The following ROBO2 variants were observed in gnomAD, a reference collection of about 807,000 sequenced individuals.
ROBO2 encodes roundabout guidance receptor 2.
ROBO2 carries 53 observed loss-of-function variants against 160.8 expected under a neutral mutation model. That is an observed-to-expected ratio of 0.33 (90% CI 0.26 to 0.41). The LOEUF is 0.41. Ranked by LOEUF, ROBO2 falls within the 10% of genes least tolerant of loss-of-function variation. The pLI, the probability that ROBO2 is intolerant of heterozygous loss-of-function variation, is 1.00. For synonymous variants in ROBO2, 664 were observed against 611.7 expected, an observed-to-expected ratio of 1.09 and a Z score of -1.26; for missense variants, 1,577 against 1,722.4, an observed-to-expected ratio of 0.92 and a Z score of 1.49.
At chr3:76,167,890 G>A (rs1338078943) in intron 2 of ROBO2, among the ~76,000 whole-genome samples, 1 of 152,120 alleles carries the variant, frequency 6.6e-6, no homozygotes, top group African/African-American at 2.4e-5. Context: ...TTGCTACTCT[G>A]CATCAGTGTG....
chr3:76,927,003 A>G (rs2077030143), intron 2 of ROBO2, among the ~76,000 whole-genome samples: 1 of 152,166 alleles, frequency 6.6e-6, no homozygotes, highest in Admixed American at 6.5e-5. Context: ...GCCTCACTTT[A>G]GACTAAATCG....
At chr3:76,415,487 AAG>A (rs2075718180) in intron 2 of ROBO2, among the ~76,000 whole-genome samples, 2 of 152,172 alleles carry the variant, frequency 1.3e-5, no homozygotes, top group Non-Finnish European at 2.9e-5. Context: ...TTTATATCAT[AAG>A]TACTAAATAT....
chr3:76,540,028 A>G (rs1423408668), intron 2 of ROBO2, among the ~76,000 whole-genome samples: 1 of 152,212 alleles, frequency 6.6e-6, no homozygotes, highest in African/African-American at 2.4e-5. Flanking sequence ...ATTTTAAAGG[A>G]CACTCCAAGA....
At chr3:75,967,678 T>C (rs1178130215) in intron 2 of ROBO2, among the ~76,000 whole-genome samples, 2 of 151,584 alleles carry the variant, frequency 1.3e-5, no homozygotes, top group African/African-American at 4.8e-5. Context: ...TTTTTCATTA[T>C]AATTTCGTAT....
rs191987101 is a variant in ROBO2, at chr3:76,800,225, A to G, written c.110-297789A>G. Reference sequence around the variant, plus strand: ...TGCCATATACAAAAATCTAATCAAAATGAATTAAAGACTTAAATTTAAACC... The same window carrying G: ...TGCCATATACAAAAATCTAATCAAAGTGAATTAAAGACTTAAATTTAAACC... On this transcript the variant is annotated intron_variant, in intron 2 of 26. Coordinates refer to the ROBO2 transcript ENST00000487694. Among the ~76,000 whole-genome samples, 1,349 of 152,314 alleles carry G rather than the reference A, an allele frequency of 8.9e-3. 13 individuals are homozygous for G. Among genetic ancestry groups the G allele is most frequent in the Non-Finnish European group, 0.014 (922 of 68,030 alleles).
At chr3:77,596,785 TTC>T in intron 19 of ROBO2, 35 bp downstream of exon 20, 4 of 1,576,426 alleles carry the variant, frequency 2.5e-6, no homozygotes, top group Admixed American at 1.8e-5. Context: ...GTTATTTGAG[TTC>T]TCTCTCTCTT....
chr3:77,075,672 C>CTTTTTTT (rs1174587812), intron 1 of ROBO2, among the ~76,000 whole-genome samples: 126 of 87,218 alleles, frequency 1.4e-3, no homozygotes, highest in Non-Finnish European at 1.6e-3. Context: ...TTTCTTTCTC[C>CTTTTTTT]TTTTTTTTTT....
intron 2 of ROBO2, among the ~76,000 whole-genome samples, chr3:77,298,684 G>A (rs149240780): frequency 6.6e-6 from 1 of 152,228 alleles, no homozygotes; most frequent in Non-Finnish European, 1.5e-5. Context: ...GCAGAGCCGT[G>A]AACAGAAAAC....
intron 2 of ROBO2, among the ~76,000 whole-genome samples, chr3:76,707,731 G>GTGTATATATATATATATATATA (rs376823667): frequency 1.2e-3 from 163 of 134,034 alleles, no homozygotes; most frequent in East Asian, 2.1e-3. Context: ...ACATGTGTGT[G>GTGTATATATATATATATATATA]TATATATATA....
intron 2 of ROBO2, among the ~76,000 whole-genome samples, chr3:76,603,720 T>G (rs534807201): frequency 3.4e-4 from 52 of 152,196 alleles, no homozygotes; most frequent in African/African-American, 1.3e-3. Context: ...ATAACATGTG[T>G]GCTTCTCTAC....
chr3:77,274,650 T>A (rs2059711607), intron 2 of ROBO2, among the ~76,000 whole-genome samples: 2 of 152,128 alleles, frequency 1.3e-5, no homozygotes, highest in African/African-American at 4.8e-5. Flanking sequence ...ATGGAAAGAA[T>A]GAACTTTAAG....
chr3:76,502,106 C>T (rs1043290982), intron 2 of ROBO2, among the ~76,000 whole-genome samples: 1 of 146,686 alleles, frequency 6.8e-6, no homozygotes, highest in South Asian at 2.1e-4. Context: ...GTGTTCATGA[C>T]ATCAATTATG....
At chr3:76,366,697 TTC>T (rs1383335791) in intron 2 of ROBO2, among the ~76,000 whole-genome samples, 4 of 152,118 alleles carry the variant, frequency 2.6e-5, no homozygotes, top group African/African-American at 7.2e-5. Flanking sequence ...TATGAAAAGT[TTC>T]TGTTTTCTCA....
intron 1 of ROBO2, among the ~76,000 whole-genome samples, chr3:77,059,938 C>A (rs985261808): frequency 1.3e-5 from 2 of 151,848 alleles, no homozygotes; most frequent in South Asian, 4.2e-4. Context: ...TATACTACAC[C>A]AGGGGGGTTA....
intron 2 of ROBO2, among the ~76,000 whole-genome samples, chr3:77,134,953 C>A (rs1167514453): frequency 6.6e-6 from 1 of 152,170 alleles, no homozygotes; most frequent in Non-Finnish European, 1.5e-5. Context: ...CCGGGCCCAC[C>A]CCCCGTTTGC....
chr3:76,093,743 A>G (rs2069326925), intron 2 of ROBO2, among the ~76,000 whole-genome samples: 2 of 152,100 alleles, frequency 1.3e-5, no homozygotes, highest in Non-Finnish European at 2.9e-5. Flanking sequence ...ATATCTATAA[A>G]TGTTTATATC....
chr3:77,638,177 A>G (rs555746277), intron 24 of ROBO2, among the ~76,000 whole-genome samples: 1 of 152,034 alleles, frequency 6.6e-6, no homozygotes, highest in South Asian at 2.1e-4. Context: ...TTTATATGGT[A>G]TGGATCCATA....
intron 2 of ROBO2, among the ~76,000 whole-genome samples, chr3:76,945,142 C>CTGG (rs1227706857): frequency 2.6e-5 from 4 of 152,054 alleles, no homozygotes; most frequent in African/African-American, 4.8e-5. Context: ...CCCGCCTCCG[C>CTGG]CTCCCAATGT....
intron 2 of ROBO2, among the ~76,000 whole-genome samples, chr3:77,281,695 T>G (rs2060251182): frequency 6.6e-6 from 1 of 152,164 alleles, no homozygotes; most frequent in African/African-American, 2.4e-5. Context: ...CCCAACATTT[T>G]AGGCACCAGG....
Sources: gnomAD v4.1 joint callset for allele counts (sites outside exome capture counted in the v4.1 genomes callset) on GRCh38, gnomAD v4.1.1 for gene constraint, MANE v1.5 for transcripts, NCBI Gene and HGNC (gene_info 2026-07-23, HGNC 2026-07-21) for gene names.